The following UBE2S variants were observed in gnomAD, a reference collection of about 807,000 sequenced individuals.
The protein encoded by UBE2S is ubiquitin conjugating enzyme E2 S.
Under a neutral mutation model 12.3 loss-of-function variants are expected in UBE2S, and 3 were observed. The observed-to-expected ratio is 0.24, with a 90% CI of 0.11 to 0.63. The LOEUF (loss-of-function observed/expected upper bound fraction) is 0.63. UBE2S is among the 30% of genes least tolerant of loss of function. The probability of loss-of-function intolerance (pLI) is 0.85; values close to 1 mark genes in which losing one functional copy is unlikely to be tolerated. For synonymous variants in UBE2S, 133 were observed against 142.0 expected, an observed-to-expected ratio of 0.94 and a Z score of 0.45; for missense variants, 211 against 313.9, an observed-to-expected ratio of 0.67 and a Z score of 2.48.
At position 55,403,739 on chromosome 19, in the gene UBE2S, CTTA is replaced by C. The variant is rs1367474835; in HGVS notation, c.342+546_342+548del. 1.8e-4 allele frequency among the ~76,000 whole-genome samples: 19 copies of C among 105,626 alleles called. No individual in the cohort carries two copies. In the South Asian group the frequency reaches 5.7e-3, roughly 32 times the overall value. The allele number at this position is 105,626 out of a possible 152,430, so 69.3% of individuals were successfully genotyped here. On this transcript the variant is annotated intron_variant, in intron 3 of 3. Transcript: ENST00000264552. Reference sequence around the variant, plus strand: ...ACCCCATTCCTGTTTTATTTTTTATCTTATTTTTTTTTTTTTTTTGAGATAGAG... The same window carrying C: ...ACCCCATTCCTGTTTTATTTTTTATCTTTTTTTTTTTTTTTTGAGATAGAG...
intron 3 of UBE2S, among the ~76,000 whole-genome samples, chr19:55,403,742 A>AT (rs34062896): frequency 4.6e-4 from 65 of 140,120 alleles, no homozygotes; most frequent in Middle Eastern, 3.7e-3. Context: ...TTTTTATCTT[A>AT]TTTTTTTTTT....
chr19:55,403,250 T>C, intron 3 of UBE2S: 1 of 586,934 alleles, frequency 1.7e-6, no homozygotes. Context: ...ACTGTATACT[T>C]TGGAACTGAG....
At chr19:55,401,846 G>A in intron 3 of UBE2S, 84 bp from the exon 4 acceptor site, 1 of 1,444,802 alleles carries the variant, frequency 6.9e-7, no homozygotes. Flanking sequence ...CCTCCGCACT[G>A]GCTGTTCCTT....
chr19:55,404,369 G>C lies in UBE2S; in HGVS notation c.261C>G (p.Asn87Lys). Reference sequence around the variant, plus strand: ...CGCAGATCTCGCCATTGGCGCCCACGTTCGGGTGGAAGATCTTGGTCAGGA... The same window carrying C: ...CGCAGATCTCGCCATTGGCGCCCACCTTCGGGTGGAAGATCTTGGTCAGGA... ...GYFLTKIFHP[N>K]VGANGEICVN... is the part of the protein sequence containing the mutation. The change falls in exon 3 of 4, where the codon AAC becomes AAG. Residue 87 changes from asparagine (N) to lysine (K), a missense_variant. Around this residue, in one of 2 missense-constraint regions of UBE2S, gnomAD observed 127 missense variants for 224.0 expected, o/e 0.57. Coordinates refer to ENST00000264552, the MANE Select transcript of UBE2S (RefSeq NM_014501.3). This position sits in a 1 kb window ranked among gnomAD's most constrained non-coding sequence, Gnocchi z 4.4. 6.2e-7 allele frequency: 1 copy of C among 1,613,916 alleles called. No homozygotes were observed. The highest frequency in any genetic ancestry group is 8.5e-7 in the Non-Finnish European group (1 of 1,179,840).
intron 2 of UBE2S, among the ~76,000 whole-genome samples, chr19:55,405,414 C>T (rs2090090738): frequency 6.6e-6 from 1 of 152,000 alleles, no homozygotes; most frequent in African/African-American, 2.4e-5. Flanking sequence ...GAGGCTGAGG[C>T]AGGAGAACTG....
At chr19:55,402,582 GGCTCAGCAGAT>G (rs2090068269) in intron 3 of UBE2S, among the ~76,000 whole-genome samples, 3 of 152,192 alleles carry the variant, frequency 2.0e-5, no homozygotes, top group Admixed American at 2.0e-4. Context: ...CACAGTACCT[GGCTCAGCAGAT>G]GCTCAGCAGA....
rs1353855829 is a variant in UBE2S, at chr19:55,399,751, C to T, written c.*1685G>A. The T allele has an allele frequency of 6.6e-6, 1 of 152,180 alleles. No individual in the cohort carries two copies. Among genetic ancestry groups the T allele is most frequent in the Non-Finnish European group, 1.5e-5 (1 of 68,044 alleles). The allele number at this position is 152,180 out of a possible 1,614,324, so 9.4% of individuals were successfully genotyped here. ...TGAGGAACTCTGTCAGGGCTAAGGG[C>T]AAATATTATTTTTATTATGCACTTC... On this transcript the variant is annotated 3_prime_UTR_variant, in exon 4 of 4. Transcript: ENST00000264552.
Position 55,401,494 on chromosome 19 carries a change from T to C in UBE2S, c.611A>G (p.Asp204Gly), listed in dbSNP as rs757414025. 5 of 1,609,576 alleles carry C rather than the reference T, an allele frequency of 3.1e-6. No homozygotes were observed. The highest frequency in any genetic ancestry group is 1.1e-5 in the South Asian group (1 of 90,950). ...CTTTTTCTTGGCCGCCAGCTTCTTA[T>C]CGCGCTCGCCAGCATGCTTCTTGGC... ...PMAKKHAGER[D>G]KKLAAKKKTD... Residue 204 changes from aspartate to glycine, a missense_variant, in exon 4 of 4, where the codon GAT (aspartate) becomes GGT (glycine). By Grantham distance (94) the Asp-to-Gly change is moderately conservative. Transcript: ENST00000264552.
At chr19:55,407,444 G>T in intron 1 of UBE2S, 143 bp downstream of exon 1, 1 of 891,056 alleles carries the variant, frequency 1.1e-6, no homozygotes. Flanking sequence ...CCTGCGGGAA[G>T]GCCCTCGGGC....
intron 3 of UBE2S, among the ~76,000 whole-genome samples, chr19:55,402,709 C>G (rs1341723387): frequency 6.6e-6 from 1 of 152,220 alleles, no homozygotes; most frequent in Non-Finnish European, 1.5e-5. Context: ...CTGACAGGCC[C>G]AGATGCTGAC....
rs1208755692 is a variant in UBE2S, at chr19:55,404,125, C to A, written c.342+163G>T. ...CAGTACTTGGGTGTCCTGGGTCTGG[C>A]ACTGTTTGTCTTTCCAGGAAAGCTA... On this transcript the variant is annotated intron_variant, in intron 3 of 3. Transcript: ENST00000264552. The surrounding 1 kb of genome is among the most constrained non-coding windows in gnomAD (Gnocchi z 4.4). 3.3e-6 allele frequency: 3 copies of A among 898,542 alleles called. No individual in the cohort carries two copies. In the African/African-American group the frequency reaches 5.0e-5, roughly 15 times the overall value. The allele number at this position is 898,542 out of a possible 1,614,324, so 55.7% of individuals were successfully genotyped here. A position where few individuals can be genotyped will look rare whatever the true frequency, so the allele number is the denominator to read the frequency against.
chr19:55,406,492 C>T (rs1373961504), intron 2 of UBE2S, among the ~76,000 whole-genome samples: 2 of 152,144 alleles, frequency 1.3e-5, no homozygotes, highest in African/African-American at 4.8e-5. Flanking sequence ...CCCTTGCTGA[C>T]ACCATTCCCA....
intron 3 of UBE2S, chr19:55,403,060 C>T (rs1223299006): frequency 8.7e-6 from 12 of 1,372,010 alleles, no homozygotes; most frequent in South Asian, 1.2e-5. Context: ...GGAGCCATCT[C>T]GTACGCTGCA....
At position 55,406,873 on chromosome 19, in the gene UBE2S, G is replaced by A. The variant is rs768439433; in HGVS notation, c.93C>T (p.Ile31=). Residue 31 remains isoleucine (I), a synonymous_variant, in exon 2 of 4, where the codon ATC becomes ATT. Transcript: ENST00000264552. The part of the protein sequence containing the change: ...TTLTADPPDG[I]KVFPNEEDLT... ...GGTCCTCCTCGTTGGGAAAGACCTT[G>A]ATGCCATCGGGTGGGTCTGCGGTCA... 2.5e-6 allele frequency: 4 copies of A among 1,613,890 alleles called. No individual in the cohort carries two copies. Among genetic ancestry groups the A allele is most frequent in the African/African-American group, 1.3e-5 (1 of 74,912 alleles).
chr19:55,407,333 G>C (rs1040377431), intron 1 of UBE2S, among the ~76,000 whole-genome samples: 6 of 152,124 alleles, frequency 3.9e-5, no homozygotes, highest in Non-Finnish European at 7.4e-5. Context: ...TGGAGATGGC[G>C]GCGGGGCGTC....
At chr19:55,406,130 G>A (rs1218253427) in intron 2 of UBE2S, among the ~76,000 whole-genome samples, 3 of 152,164 alleles carry the variant, frequency 2.0e-5, no homozygotes, top group South Asian at 2.1e-4. Context: ...AGCTCCACCT[G>A]CCCAAGGGCC....
chr19:55,401,208 T>G lies in UBE2S; in HGVS notation c.*228A>C. On this transcript the variant is annotated 3_prime_UTR_variant, in exon 4 of 4. Coordinates refer to ENST00000264552, the MANE Select transcript of UBE2S (RefSeq NM_014501.3). ...TGAGGCTTTACAAGGACCCAGGGCC[T>G]GTGCAGGGGAGCCAAACTCCCAGAG... 1 of 595,438 alleles carries G rather than the reference T, an allele frequency of 1.7e-6. No homozygotes were observed. The highest frequency in any genetic ancestry group is 2.9e-6 in the Non-Finnish European group (1 of 339,780). The allele number at this position is 595,438 out of a possible 1,614,324, so 36.9% of individuals were successfully genotyped here.
chr19:55,407,542 G>A (rs1600324246), intron 1 of UBE2S, 45 bp downstream of exon 1: 3 of 1,526,430 alleles, frequency 2.0e-6, no homozygotes, highest in Admixed American at 2.1e-5. Flanking sequence ...TCCTCCCTCA[G>A]GGACACCCCC....
intron 2 of UBE2S, among the ~76,000 whole-genome samples, chr19:55,406,472 C>A (rs970137013): frequency 6.6e-6 from 1 of 152,156 alleles, no homozygotes; most frequent in African/African-American, 2.4e-5. Context: ...ACCTGGCCCA[C>A]CCTCCCAGGC....
Sources: gnomAD v4.1 joint callset for allele counts (sites outside exome capture counted in the v4.1 genomes callset) on GRCh38, gnomAD v4.1.1 for gene constraint, gnomAD v4.1.1 regional missense constraint, Gnocchi (gnomAD v3.1) non-coding constraint, MANE v1.5 for transcripts, NCBI Gene and HGNC (gene_info 2026-07-23, HGNC 2026-07-21) for gene names.